Variants in PTPN9 observed in about 807,000 individuals in gnomAD.
The protein encoded by PTPN9 is tyrosine-protein phosphatase non-receptor type 9.
A neutral mutation model predicts 69.8 loss-of-function variants in PTPN9; 26 were observed. The ratio of observed to expected loss-of-function variants is 0.37; its 90% CI spans 0.27 to 0.52. PTPN9 has a LOEUF of 0.52. Among genes scored for constraint, PTPN9 ranks in the 20% least tolerant of loss-of-function variants. The probability of loss-of-function intolerance (pLI) is 0.91; values close to 1 mark genes in which losing one functional copy is unlikely to be tolerated. For synonymous variants in PTPN9, 274 were observed against 272.5 expected (o/e 1.01, Z -0.05); for missense variants, 549 against 740.3 (o/e 0.74, Z 3.00).
intron 7 of PTPN9, among the ~76,000 whole-genome samples, chr15:75,505,254 A>G (rs1317349874): frequency 6.7e-6 from 1 of 149,220 alleles, no homozygotes; most frequent in East Asian, 2.0e-4. Flanking sequence ...AGATGCTTGA[A>G]GGCAGCATGC....
rs774100050 is a variant in PTPN9 at position 75,505,921 on chromosome 15, A to G, written c.722T>C (p.Ile241Thr). The change falls in exon 7 of 13, where the codon ATT (isoleucine) becomes ACT (threonine). Residue 241 changes from isoleucine (I) to threonine (T), a missense_variant. Physicochemically the swap from Ile to Thr is moderately conservative, Grantham distance 89 (BLOSUM62 -1). This residue lies in a region of PTPN9 where 457 missense variants were observed against 661.9 expected (regional missense o/e 0.69). Transcript: ENST00000618819. ...CTGGAAATTCCAAGTGGCGAGATCAATTTTGACGTACCCACCCAGGTTTTC... is the reference window on the plus strand; with the variant it reads ...CTGGAAATTCCAAGTGGCGAGATCAGTTTTGACGTACCCACCCAGGTTTTC... Reference protein sequence around the residue: ...LPENLGGYVKIDLATWNFQFL... With the variant: ...LPENLGGYVKTDLATWNFQFL... The G allele has an allele frequency of 2.5e-6, 4 of 1,614,012 alleles. No homozygotes were observed. Among genetic ancestry groups the G allele is most frequent in the East Asian group, 2.2e-5 (1 of 44,866 alleles).
chr15:75,518,195 T>C (rs2141317680), intron 4 of PTPN9, among the ~76,000 whole-genome samples: 1 of 151,106 alleles, frequency 6.6e-6, no homozygotes, highest in East Asian at 2.0e-4. Context: ...AACATGACAA[T>C]ACCTCATCAT....
At chr15:75,574,985 T>TTTTTTTTTG (rs2075165022) in intron 1 of PTPN9, among the ~76,000 whole-genome samples, 1 of 2,802 alleles carries the variant, frequency 3.6e-4, no homozygotes, top group Non-Finnish European at 7.1e-4. Context: ...GAAATATCTT[T>TTTTTTTTTG]TTTTTTTTTT....
chr15:75,512,533 A>C (rs2074849989), intron 5 of PTPN9, among the ~76,000 whole-genome samples: 1 of 152,206 alleles, frequency 6.6e-6, no homozygotes, highest in Non-Finnish European at 1.5e-5. Flanking sequence ...ATGTGCAGTA[A>C]ATACTCTTTT....
chr15:75,577,835 T>C (rs757436689), intron 1 of PTPN9, among the ~76,000 whole-genome samples: 2 of 152,178 alleles, frequency 1.3e-5, no homozygotes, highest in African/African-American at 2.4e-5. Flanking sequence ...TGGCGGGGTA[T>C]GGGCAGTGCC....
At chr15:75,552,419 A>G (rs868428801) in intron 1 of PTPN9, among the ~76,000 whole-genome samples, 1 of 152,098 alleles carries the variant, frequency 6.6e-6, no homozygotes, top group African/African-American at 2.4e-5. Context: ...AAAAAACAAA[A>G]CAAAACAAAA....
rs201177801 is a variant in PTPN9 at position 75,567,723 on chromosome 15, G to A, written c.63+10991C>T. Among the ~76,000 whole-genome samples the A allele has an allele frequency of 7.9e-5, 12 of 152,228 alleles. 1 individual carries two copies. In the East Asian group the frequency reaches 1.9e-3, roughly 25 times the overall value. Reference sequence around the variant, plus strand: ...AAGGAAAAATGAAATGCTGCCAGGCGCGGTGGCTCACGCCTGTAATCCCAG... The same window carrying A: ...AAGGAAAAATGAAATGCTGCCAGGCACGGTGGCTCACGCCTGTAATCCCAG... On this transcript the variant is annotated intron_variant, in intron 1 of 12. Transcript: ENST00000618819.
chr15:75,512,327 G>A (rs1254634135), intron 5 of PTPN9, among the ~76,000 whole-genome samples: 2 of 151,718 alleles, frequency 1.3e-5, no homozygotes, highest in African/African-American at 4.8e-5. Context: ...TCAGCCTCCT[G>A]GGTAGCTGGG....
chr15:75,545,431 C>CA (rs1387705539), intron 1 of PTPN9, among the ~76,000 whole-genome samples: 1 of 151,214 alleles, frequency 6.6e-6, no homozygotes, highest in Non-Finnish European at 1.5e-5. Flanking sequence ...TAAAGTAAAA[C>CA]AAAACAAAAC....
intron 1 of PTPN9, among the ~76,000 whole-genome samples, chr15:75,566,752 C>G (rs1397045248): frequency 1.3e-5 from 2 of 151,490 alleles, no homozygotes; most frequent in Non-Finnish European, 2.9e-5. Flanking sequence ...TTTTGGGAGG[C>G]TGAAGCGGAA....
At chr15:75,562,989 A>G (rs927014827) in intron 1 of PTPN9, among the ~76,000 whole-genome samples, 1 of 151,914 alleles carries the variant, frequency 6.6e-6, no homozygotes, top group Non-Finnish European at 1.5e-5. Flanking sequence ...TACATAGGTA[A>G]ATTGTGTGTC....
chr15:75,483,347 G>T (rs1022150462), intron 8 of PTPN9, among the ~76,000 whole-genome samples: 3 of 152,136 alleles, frequency 2.0e-5, no homozygotes, highest in Non-Finnish European at 4.4e-5. Context: ...AATAAAAGTG[G>T]TATATCCATA....
chr15:75,476,088 G>A (rs2074594512), intron 9 of PTPN9, among the ~76,000 whole-genome samples: 3 of 152,248 alleles, frequency 2.0e-5, no homozygotes, highest in Middle Eastern at 6.8e-3. Context: ...AGGCTGCATT[G>A]AGCCATGATC....
chr15:75,512,978 A>C, intron 5 of PTPN9: 1 of 398,980 alleles, frequency 2.5e-6, no homozygotes, highest in South Asian at 2.0e-5. Context: ...TCGCCACTTA[A>C]GTTTCACTGT....
At chr15:75,569,195 T>C (rs2141344810) in intron 1 of PTPN9, among the ~76,000 whole-genome samples, 1 of 152,302 alleles carries the variant, frequency 6.6e-6, no homozygotes. Context: ...CTAGAGGTTG[T>C]ATCTGAACAA....
intron 1 of PTPN9, among the ~76,000 whole-genome samples, chr15:75,571,738 AT>A (rs2075149400): frequency 6.6e-6 from 1 of 151,950 alleles, no homozygotes; most frequent in African/African-American, 2.4e-5. Flanking sequence ...CTACTAAAAT[AT>A]AAAAATTGGC....
chr15:75,523,009 C>T, intron 4 of PTPN9, 112 bp downstream of exon 4: 3 of 1,291,458 alleles, frequency 2.3e-6, no homozygotes, highest in Non-Finnish European at 2.2e-6. Context: ...CATAGCATTG[C>T]CCAGGGCACA....
chr15:75,504,437 A>C (rs1197732995), intron 7 of PTPN9, among the ~76,000 whole-genome samples: 18 of 51,934 alleles, frequency 3.5e-4, no homozygotes, highest in South Asian at 1.5e-3. Context: ...AGGTGGGGGG[A>C]TCAGCCCCCC....
At chr15:75,568,146 T>C (rs1159854383) in intron 1 of PTPN9, among the ~76,000 whole-genome samples, 1 of 152,130 alleles carries the variant, frequency 6.6e-6, no homozygotes, top group Non-Finnish European at 1.5e-5. Context: ...AGGTTTCCCA[T>C]GAGTTCTGGA....
Sources: allele counts gnomAD v4.1 joint callset (sites outside exome capture counted in the v4.1 genomes callset), GRCh38; gene constraint gnomAD v4.1.1; regional missense constraint gnomAD v4.1.1; transcripts MANE v1.5; gene names NCBI Gene and HGNC (gene_info 2026-07-23, HGNC 2026-07-21).